The following DCAF5 variants were observed in gnomAD, a reference collection of about 807,000 sequenced individuals.
The protein encoded by DCAF5 is DDB1- and CUL4-associated factor 5.
Under a neutral mutation model 80.7 loss-of-function variants are expected in DCAF5, and 9 were observed. That is an observed-to-expected ratio of 0.11 (90% CI 0.07 to 0.19). The LOEUF (loss-of-function observed/expected upper bound fraction) is 0.19, where lower values mean the gene tolerates loss of function less well. Ranked by LOEUF, DCAF5 falls within the 10% of genes least tolerant of loss-of-function variation. The pLI is 1.00. For synonymous variants in DCAF5, 433 were observed against 461.9 expected, an observed-to-expected ratio of 0.94 and a Z score of 0.80; for missense variants, 842 against 1,205.7, an observed-to-expected ratio of 0.70 and a Z score of 4.47.
intron 1 of DCAF5, among the ~76,000 whole-genome samples, chr14:69,143,373 A>G (rs1456271521): frequency 6.6e-6 from 1 of 152,320 alleles, no homozygotes; most frequent in East Asian, 1.9e-4. Context: ...GGGAGCTTTC[A>G]TAAGTTACCT....
chr14:69,091,958 C>A, intron 5 of DCAF5, 71 bp from the exon 6 acceptor site: 1 of 1,322,470 alleles, frequency 7.6e-7, no homozygotes, highest in Admixed American at 2.1e-5. Context: ...ACATGTTTGC[C>A]TATGACCTCC....
intron 7 of DCAF5, among the ~76,000 whole-genome samples, chr14:69,062,950 C>T (rs567884897): frequency 6.6e-6 from 1 of 152,284 alleles, no homozygotes; most frequent in East Asian, 1.9e-4. Flanking sequence ...CAAAAAACAT[C>T]TCTAATCCAT....
Position 69,118,272 on chromosome 14 carries a change from C to T in DCAF5, c.402G>A (p.Glu134=), listed in dbSNP as rs576834840. The change falls in exon 4 of 9, where the codon GAG becomes GAA. Residue 134 remains glutamate, a synonymous_variant. Coordinates refer to ENST00000341516, the MANE Select transcript of DCAF5 (RefSeq NM_003861.3). This position sits in a 1 kb window ranked among gnomAD's most constrained non-coding sequence, Gnocchi z 4.0. ...QVILHDVESS[E]TLDVFAHEDA... ...CTTCATGAGCAAACACGTCCAATGT[C>T]TCACTGCTGGGAGATAAGAGAGCAA... 1.5e-4 allele frequency: 247 copies of T among 1,613,684 alleles called. 4 individuals carry two copies. In the South Asian group the frequency reaches 2.6e-3, roughly 17 times the overall value.
chr14:69,084,530 T>C, intron 6 of DCAF5: 1 of 756,930 alleles, frequency 1.3e-6, no homozygotes, highest in African/African-American at 1.7e-5. Context: ...GGAGCCATTG[T>C]ATGTTGGTGT....
At position 69,122,295 on chromosome 14, in the gene DCAF5, T is replaced by C. The variant is rs149306770; in HGVS notation, c.280A>G (p.Ile94Val). The change falls in exon 2 of 9, where the codon ATA becomes GTA. Residue 94 changes from isoleucine (I) to valine (V), a missense_variant. Transcript: ENST00000341516. Reference protein sequence around the residue: ...EQAIHSRVKPIQLKGEHHSNI... With the variant: ...EQAIHSRVKPVQLKGEHHSNI... ...GAATGGTGCTCTCCTTTCAGCTGTATGGGCTTGACCCTGGAGTGGATGGCT... is the reference window on the plus strand; with the variant it reads ...GAATGGTGCTCTCCTTTCAGCTGTACGGGCTTGACCCTGGAGTGGATGGCT... 429 of 1,614,074 alleles carry C rather than the reference T, an allele frequency of 2.7e-4. 1 individual carries two copies. The Middle Eastern group carries it at 6.9e-3, about 26-fold the overall frequency.
chr14:69,116,597 A>G, intron 4 of DCAF5, 102 bp from the exon 5 acceptor site: 2 of 1,412,314 alleles, frequency 1.4e-6, no homozygotes, highest in Non-Finnish European at 1.9e-6. Flanking sequence ...CTCTTTAATA[A>G]CCACTCCAAC....
chr14:69,073,393 C>T (rs900875532), intron 7 of DCAF5, among the ~76,000 whole-genome samples: 1 of 152,140 alleles, frequency 6.6e-6, no homozygotes, highest in Non-Finnish European at 1.5e-5. Flanking sequence ...GCCTGCAGAA[C>T]TGTGAGAAAA....
At chr14:69,091,016 T>C (rs145485360) in intron 6 of DCAF5, 4 of 709,148 alleles carry the variant, frequency 5.6e-6, no homozygotes, top group South Asian at 2.9e-5. Flanking sequence ...AGAACTTCTA[T>C]GGTTAAGACA....
At chr14:69,153,149 T>C (rs1391447048), upstream of DCAF5, 53 of 469,096 alleles carry the variant, frequency 1.1e-4, no homozygotes, top group Non-Finnish European at 3.6e-6. Flanking sequence ...CGCGGCTTCC[T>C]GACGGTCCCC....
chr14:69,146,057 C>T (rs377492413), intron 1 of DCAF5, among the ~76,000 whole-genome samples: 16 of 152,210 alleles, frequency 1.1e-4, no homozygotes, highest in Admixed American at 8.5e-4. Context: ...TCCAACTGTA[C>T]TTTACAAACA....
chr14:69,066,630 G>A (rs778516084), intron 7 of DCAF5, among the ~76,000 whole-genome samples: 1 of 152,066 alleles, frequency 6.6e-6, no homozygotes, highest in Non-Finnish European at 1.5e-5. Context: ...CTACCGTAGG[G>A]GACCCCAGGA....
At chr14:69,139,704 T>G (rs1300382891) in intron 1 of DCAF5, among the ~76,000 whole-genome samples, 1 of 151,518 alleles carries the variant, frequency 6.6e-6, no homozygotes, top group East Asian at 1.9e-4. Flanking sequence ...CAATCCCAGC[T>G]ACTCAGGAGG....
chr14:69,143,553 C>CTTT (rs562355110), intron 1 of DCAF5, among the ~76,000 whole-genome samples: 3,370 of 102,066 alleles, frequency 0.033, 228 homozygotes, highest in African/African-American at 0.11. Context: ...ATCTGTTAAA[C>CTTT]TTTTTTTTTT....
intron 5 of DCAF5, among the ~76,000 whole-genome samples, chr14:69,105,245 A>G (rs548459684): frequency 6.6e-6 from 1 of 152,222 alleles, no homozygotes; most frequent in South Asian, 2.1e-4. Flanking sequence ...CCAAACGGCT[A>G]TCATTAGATG....
chr14:69,095,171 C>A (rs1654725046), intron 5 of DCAF5, among the ~76,000 whole-genome samples: 1 of 152,126 alleles, frequency 6.6e-6, no homozygotes, highest in African/African-American at 2.4e-5. Flanking sequence ...TGCCTCTATA[C>A]AAACAAGAAT....
In DCAF5 at chr14:69,051,791, GAATAA is replaced by G. The variant is rs1566709025; in HGVS notation, c.*2061_*2065del. On this transcript the variant is annotated 3_prime_UTR_variant, in exon 9 of 9. Transcript: ENST00000341516. ...TTATTAAAATAAAATAAATAGAATAGAATAAAATAAAGGACTGGGTGTGCTGACTA... is the reference window on the plus strand; with the variant it reads ...TTATTAAAATAAAATAAATAGAATAGAATAAAGGACTGGGTGTGCTGACTA... 2 of 152,504 alleles carry G rather than the reference GAATAA, an allele frequency of 1.3e-5. No homozygotes were observed. Among genetic ancestry groups the G allele is most frequent in the Non-Finnish European group, 2.9e-5 (2 of 67,990 alleles). 9.4% of individuals were successfully genotyped at this position (152,504 alleles called of 1,614,324 possible).
Position 69,054,399 on chromosome 14 carries a change from G to C in DCAF5, c.2287C>G (p.Gln763Glu). The C allele has an allele frequency of 6.2e-7, 1 of 1,614,058 alleles. No homozygotes were observed. Among genetic ancestry groups the C allele is most frequent in the South Asian group, 1.1e-5 (1 of 91,080 alleles). Residue 763 changes from glutamine (Q) to glutamate (E), a missense_variant, in exon 9 of 9, where the codon CAG becomes GAG. Coordinates refer to ENST00000341516, the MANE Select transcript of DCAF5 (RefSeq NM_003861.3). ...AWAEVPEGTS[Q>E]DTGNSGSVEH... ...ACAGAGCCGCTATTGCCAGTGTCCT[G>C]AGAGGTACCCTCTGGCACCTCTGCC...
chr14:69,104,226 A>T (rs1180391082), intron 5 of DCAF5, among the ~76,000 whole-genome samples: 2 of 152,190 alleles, frequency 1.3e-5, no homozygotes, highest in Non-Finnish European at 2.9e-5. Context: ...TATGTGAGTG[A>T]CTGAGTTTCT....
Position 69,054,655 on chromosome 14 carries a change from G to T in DCAF5, c.2031C>A (p.Asn677Lys). 6.2e-7 allele frequency: 1 copy of T among 1,614,192 alleles called. No individual in the cohort carries two copies. Reference protein sequence around the residue: ...LRYSYISYSNNKDGETSLVTG... With the variant: ...LRYSYISYSNKKDGETSLVTG... ...TCACCAAGGAGGTCTCTCCATCTTT[G>T]TTATTTGAGTAGGAGATATAAGAGT... Residue 677 changes from asparagine (N) to lysine (K), a missense_variant, in exon 9 of 9, where the codon AAC (asparagine) becomes AAA (lysine). Transcript: ENST00000341516.
Sources: allele counts gnomAD v4.1 joint callset (sites outside exome capture counted in the v4.1 genomes callset), GRCh38; gene constraint gnomAD v4.1.1; non-coding constraint Gnocchi (gnomAD v3.1); transcripts MANE v1.5; gene names NCBI Gene and HGNC (gene_info 2026-07-23, HGNC 2026-07-21).